Variants in KIF16B observed in about 807,000 individuals in gnomAD.
KIF16B encodes kinesin-like protein KIF16B.
In KIF16B, 98 loss-of-function variants were observed where a neutral mutation model predicts 156.3. The ratio of observed to expected loss-of-function variants is 0.63; its 90% CI spans 0.53 to 0.74. The LOEUF (loss-of-function observed/expected upper bound fraction) is 0.74, where lower values mean the gene tolerates loss of function less well. Among genes scored for constraint, KIF16B ranks in the 30% least tolerant of loss-of-function variants. KIF16B has a pLI of 0.00. For synonymous variants in KIF16B, 564 were observed against 583.7 expected, an observed-to-expected ratio of 0.97 and a Z score of 0.49; for missense variants, 1,421 against 1,606.5, an observed-to-expected ratio of 0.88 and a Z score of 1.97.
chr20:16,396,130 A>C (rs4814486), intron 17 of KIF16B, among the ~76,000 whole-genome samples: 45,433 of 151,874 alleles, frequency 0.3, 7,299 homozygotes, highest in African/African-American at 0.44. Context: ...CGGCAGGGGT[A>C]CCCAGTCCCC....
At chr20:16,337,202 T>C (rs1236673615) in intron 23 of KIF16B, among the ~76,000 whole-genome samples, 1 of 152,180 alleles carries the variant, frequency 6.6e-6, no homozygotes, top group Non-Finnish European at 1.5e-5. Flanking sequence ...CCATGCTCCT[T>C]TATGGGAACT....
At chr20:16,306,700 A>T (rs925939654) in intron 25 of KIF16B, among the ~76,000 whole-genome samples, 6 of 152,122 alleles carry the variant, frequency 3.9e-5, no homozygotes, top group Admixed American at 2.0e-4. Flanking sequence ...CCTGGCTCTT[A>T]AAACAGCTCT....
chr20:16,509,762 T>G (rs532336051), intron 6 of KIF16B, among the ~76,000 whole-genome samples: 1 of 152,356 alleles, frequency 6.6e-6, no homozygotes, highest in East Asian at 1.9e-4. Flanking sequence ...TCCTATTTTG[T>G]AATTAAGCTT....
Position 16,312,373 on chromosome 20 carries a change from C to T in KIF16B, c.3757G>A (p.Asp1253Asn). The change falls in exon 25 of 26, where the codon GAT becomes AAT. Residue 1253 changes from aspartate (D) to asparagine (N), a missense_variant. By Grantham distance (23) the Asp-to-Asn change is conservative. Transcript: ENST00000354981. ...CGTCTCTCAGCAATCACACGTTCAT[C>T]CTTATTTCCAAATAGTTTCTTTGGA... ...FPPKKLFGNK[D>N]ERVIAERRSH... 1.2e-6 allele frequency: 2 copies of T among 1,613,618 alleles called. No individual in the cohort carries two copies. The highest frequency in any genetic ancestry group is 1.7e-6 in the Non-Finnish European group (2 of 1,179,784).
intron 12 of KIF16B, among the ~76,000 whole-genome samples, chr20:16,469,929 A>T (rs1009482166): frequency 6.6e-6 from 1 of 152,222 alleles, no homozygotes; most frequent in African/African-American, 2.4e-5. Flanking sequence ...ACCCAAAAGC[A>T]GGTGAACGGA....
intron 3 of KIF16B, among the ~76,000 whole-genome samples, chr20:16,522,314 G>A (rs1437037179): frequency 6.6e-6 from 1 of 152,138 alleles, no homozygotes; most frequent in African/African-American, 2.4e-5. Context: ...AAAATAAAGG[G>A]AGAGAAGAAT....
intron 24 of KIF16B, among the ~76,000 whole-genome samples, chr20:16,325,471 A>C (rs2063831058): frequency 6.6e-6 from 1 of 152,104 alleles, no homozygotes; most frequent in African/African-American, 2.4e-5. Flanking sequence ...ATACAAAATG[A>C]ATGTATACAA....
chr20:16,465,063 T>C (rs1017476155), intron 12 of KIF16B, among the ~76,000 whole-genome samples: 7 of 152,182 alleles, frequency 4.6e-5, no homozygotes, highest in African/African-American at 1.4e-4. Context: ...TTCTCATCTA[T>C]TTAAATATAA....
At chr20:16,476,465 G>T (rs2067816236) in intron 12 of KIF16B, among the ~76,000 whole-genome samples, 1 of 152,188 alleles carries the variant, frequency 6.6e-6, no homozygotes, top group East Asian at 1.9e-4. Context: ...AGAGGATTTT[G>T]CAGACATTAA....
chr20:16,562,242 G>A (rs1484775667), intron 1 of KIF16B, among the ~76,000 whole-genome samples: 1 of 152,118 alleles, frequency 6.6e-6, no homozygotes, highest in Non-Finnish European at 1.5e-5. Context: ...GTAAAGTGTT[G>A]TACCATAGTG....
At chr20:16,482,632 G>A (rs1480491212) in intron 12 of KIF16B, among the ~76,000 whole-genome samples, 1 of 152,164 alleles carries the variant, frequency 6.6e-6, no homozygotes, top group Non-Finnish European at 1.5e-5. Flanking sequence ...GGGCTCTCCT[G>A]TAATGGAATG....
rs570071418 is a variant in KIF16B, at chr20:16,312,472, G to T, written c.3712-54C>A. The T allele has an allele frequency of 6.9e-5, 87 of 1,254,700 alleles. No homozygotes were observed. The Middle Eastern group carries it at 9.4e-4, about 14-fold the overall frequency. 77.7% of individuals were successfully genotyped at this position (1,254,700 alleles called of 1,614,324 possible). A position where few individuals can be genotyped will look rare whatever the true frequency, so the allele number is the denominator to read the frequency against. ...TTAATAGCATACCTGTTAATTGTTG[G>T]GCTATTATTAATCTATTATTTGAAA... On this transcript the variant is annotated intron_variant, in intron 24 of 25. Transcript: ENST00000354981.
intron 11 of KIF16B, 89 bp from the exon 12 acceptor site, chr20:16,494,439 G>A: frequency 1.3e-6 from 1 of 765,020 alleles, no homozygotes; most frequent in South Asian, 1.8e-5. Context: ...CTCATGGAAA[G>A]ATGTACTATA....
At chr20:16,314,392 C>T (rs956140985) in intron 24 of KIF16B, among the ~76,000 whole-genome samples, 3 of 152,162 alleles carry the variant, frequency 2.0e-5, no homozygotes, top group East Asian at 1.9e-4. Context: ...TCTCATTCCC[C>T]CTAGTGTTCT....
chr20:16,445,966 A>G (rs1284892622), intron 12 of KIF16B, among the ~76,000 whole-genome samples: 1 of 152,160 alleles, frequency 6.6e-6, no homozygotes, highest in Non-Finnish European at 1.5e-5. Flanking sequence ...TTAAAATATG[A>G]AAAAATAAAA....
chr20:16,463,328 T>G (rs923217778), intron 12 of KIF16B, among the ~76,000 whole-genome samples: 6 of 152,204 alleles, frequency 3.9e-5, no homozygotes, highest in African/African-American at 1.4e-4. Flanking sequence ...CAAAACATGT[T>G]GAAGGCAGTT....
chr20:16,521,100 A>C (rs2069333379), intron 3 of KIF16B, among the ~76,000 whole-genome samples: 1 of 152,110 alleles, frequency 6.6e-6, no homozygotes, highest in Non-Finnish European at 1.5e-5. Flanking sequence ...AAAAACCAGA[A>C]CGACTCCTCT....
At chr20:16,457,245 A>G (rs1277431788) in intron 12 of KIF16B, among the ~76,000 whole-genome samples, 1 of 152,186 alleles carries the variant, frequency 6.6e-6, no homozygotes, top group Non-Finnish European at 1.5e-5. Context: ...CAAAATAGCA[A>G]ACTGTGTCAG....
intron 24 of KIF16B, among the ~76,000 whole-genome samples, chr20:16,329,922 T>C (rs1026552985): frequency 8.5e-5 from 13 of 152,232 alleles, no homozygotes; most frequent in African/African-American, 3.1e-4. Context: ...GGCAATAATG[T>C]TCGTATATGA....
Sources: gnomAD v4.1 joint callset for allele counts (sites outside exome capture counted in the v4.1 genomes callset) on GRCh38, gnomAD v4.1.1 for gene constraint, MANE v1.5 for transcripts, NCBI Gene and HGNC (gene_info 2026-07-23, HGNC 2026-07-21) for gene names.